RASAL2: variants seen among roughly 807,000 people sequenced by gnomAD.
RASAL2 encodes the protein ras GTPase-activating protein nGAP.
A neutral mutation model predicts 128.9 loss-of-function variants in RASAL2; 58 were observed. That is an observed-to-expected ratio of 0.45 (90% CI 0.36 to 0.56). RASAL2 has a LOEUF of 0.56. Ranked by LOEUF, RASAL2 falls within the 20% of genes least tolerant of loss-of-function variation. The probability of loss-of-function intolerance (pLI) is 0.00; values close to 1 mark genes in which losing one functional copy is unlikely to be tolerated. For synonymous variants in RASAL2, 561 were observed against 580.8 expected (o/e 0.97, Z 0.49); for missense variants, 1,360 against 1,601.6 (o/e 0.85, Z 2.57).
chr1:178,461,471 T>C (rs1446304514), intron 14 of RASAL2, among the ~76,000 whole-genome samples: 2 of 152,180 alleles, frequency 1.3e-5, no homozygotes, highest in African/African-American at 4.8e-5. Context: ...GAAACTCTCT[T>C]AATTTTTTAA....
At chr1:178,216,753 C>T (rs1663434731) in intron 1 of RASAL2, among the ~76,000 whole-genome samples, 1 of 152,144 alleles carries the variant, frequency 6.6e-6, no homozygotes. Context: ...GATTCTCCTG[C>T]CTCAGCCTCC....
chr1:178,262,017 T>C (rs946588563), intron 1 of RASAL2, among the ~76,000 whole-genome samples: 2 of 152,126 alleles, frequency 1.3e-5, no homozygotes, highest in Non-Finnish European at 2.9e-5. Flanking sequence ...AGAGTCTCTC[T>C]ATTAGGGGCC....
chr1:178,330,607 A>C (rs1382126576), intron 3 of RASAL2, among the ~76,000 whole-genome samples: 1 of 152,198 alleles, frequency 6.6e-6, no homozygotes, highest in Non-Finnish European at 1.5e-5. Flanking sequence ...CAGATTAAAA[A>C]TGTTCTCTGG....
At chr1:178,136,756 C>CAAAAAAAAAAAAAAA (rs397982072) in intron 1 of RASAL2, among the ~76,000 whole-genome samples, 1 of 47,200 alleles carries the variant, frequency 2.1e-5, no homozygotes, top group African/African-American at 1.0e-4. Context: ...GACTCTGTCT[C>CAAAAAAAAAAAAAAA]AAAAAAAAAA....
intron 1 of RASAL2, among the ~76,000 whole-genome samples, chr1:178,137,283 A>G (rs960835901): frequency 2.0e-5 from 3 of 152,168 alleles, no homozygotes; most frequent in Admixed American, 6.5e-5. Flanking sequence ...TCAGTAAGAA[A>G]CTTAAAAATA....
intron 1 of RASAL2, among the ~76,000 whole-genome samples, chr1:178,212,074 G>C (rs1663273583): frequency 6.6e-6 from 1 of 152,078 alleles, no homozygotes; most frequent in African/African-American, 2.4e-5. Flanking sequence ...ATAGTATATA[G>C]TTTATGAGGT....
At chr1:178,324,295 C>G (rs1440248071) in intron 3 of RASAL2, among the ~76,000 whole-genome samples, 1 of 152,048 alleles carries the variant, frequency 6.6e-6, no homozygotes, top group Non-Finnish European at 1.5e-5. Flanking sequence ...TAGCTCACTT[C>G]TGTAATCCCA....
chr1:178,445,683 T>G (rs1313820213), intron 9 of RASAL2, 21 bp downstream of exon 9: 1 of 1,584,046 alleles, frequency 6.3e-7, no homozygotes, highest in Non-Finnish European at 8.6e-7. Flanking sequence ...GAAAAACATC[T>G]ATTTTCTTTT....
At chr1:178,308,994 A>T (rs34305574) in intron 3 of RASAL2, among the ~76,000 whole-genome samples, 75 of 152,252 alleles carry the variant, frequency 4.9e-4, no homozygotes, top group Non-Finnish European at 9.0e-4. Flanking sequence ...ATTATAAGAG[A>T]TATATTCTTT....
intron 3 of RASAL2, among the ~76,000 whole-genome samples, chr1:178,337,032 G>A (rs559315958): frequency 6.3e-4 from 96 of 151,884 alleles, no homozygotes; most frequent in Non-Finnish European, 1.2e-3. Flanking sequence ...ACTGATATTT[G>A]ATTTTGCCTA....
In RASAL2 at chr1:178,273,016, A is replaced by G. The variant is rs563528585; in HGVS notation, c.203-10548A>G. Among the ~76,000 whole-genome samples the G allele has an allele frequency of 1.9e-4, 29 of 152,342 alleles. No homozygotes were observed. The East Asian group carries it at 5.0e-3, about 26-fold the overall frequency. ...TGACTATCCAGATTAAAATATTACT[A>G]AAAGAACCCTGCACGTGTATTGTGG... On this transcript the variant is annotated intron_variant, in intron 1 of 17. Transcript: ENST00000367649.
chr1:178,131,675 A>G (rs1660125086), intron 1 of RASAL2, among the ~76,000 whole-genome samples: 1 of 152,068 alleles, frequency 6.6e-6, no homozygotes, highest in African/African-American at 2.4e-5. Flanking sequence ...TTTCCTTATC[A>G]TGCACAAGTT....
At chr1:178,340,257 CTG>C (rs1669796222) in intron 3 of RASAL2, among the ~76,000 whole-genome samples, 1 of 152,060 alleles carries the variant, frequency 6.6e-6, no homozygotes, top group African/African-American at 2.4e-5. Context: ...TAGATTAATA[CTG>C]TGTCATTTTC....
intron 5 of RASAL2, among the ~76,000 whole-genome samples, chr1:178,428,993 T>A (rs1232274642): frequency 1.3e-5 from 2 of 152,132 alleles, no homozygotes; most frequent in African/African-American, 4.8e-5. Flanking sequence ...CCTTCCATAA[T>A]GCTCACTGAG....
At chr1:178,310,278 A>G (rs1668178477) in intron 3 of RASAL2, among the ~76,000 whole-genome samples, 1 of 152,188 alleles carries the variant, frequency 6.6e-6, no homozygotes, top group Non-Finnish European at 1.5e-5. Context: ...ATTGCAGTAG[A>G]ACATTAAAGT....
intron 1 of RASAL2, among the ~76,000 whole-genome samples, chr1:178,214,712 C>T (rs568141425): frequency 6.6e-6 from 1 of 151,970 alleles, no homozygotes; most frequent in Non-Finnish European, 1.5e-5. Context: ...GTGCCTGCCA[C>T]CACGCTCGGC....
chr1:178,375,952 T>C (rs1455679442), intron 3 of RASAL2, among the ~76,000 whole-genome samples: 2 of 152,032 alleles, frequency 1.3e-5, no homozygotes, highest in Non-Finnish European at 2.9e-5. Flanking sequence ...AGATTGTTGA[T>C]ATTCTAAGCA....
intron 1 of RASAL2, among the ~76,000 whole-genome samples, chr1:178,187,758 T>C (rs1662355794): frequency 6.6e-6 from 1 of 152,066 alleles, no homozygotes; most frequent in South Asian, 2.1e-4. Flanking sequence ...GGATCTGAAG[T>C]ACCCTTTTTA....
At chr1:178,305,153 G>A (rs1295175216) in intron 3 of RASAL2, among the ~76,000 whole-genome samples, 1 of 152,104 alleles carries the variant, frequency 6.6e-6, no homozygotes, top group African/African-American at 2.4e-5. Flanking sequence ...TGAAGAGGAT[G>A]GCAACAAATG....
Sources: allele counts gnomAD v4.1 joint callset (sites outside exome capture counted in the v4.1 genomes callset), GRCh38; gene constraint gnomAD v4.1.1; transcripts MANE v1.5; gene names NCBI Gene and HGNC (gene_info 2026-07-23, HGNC 2026-07-21).